The following PCDHGA10 variants were observed in gnomAD, a reference collection of about 807,000 sequenced individuals.
PCDHGA10 encodes protocadherin gamma-A10.
A neutral mutation model predicts 59.5 loss-of-function variants in PCDHGA10; 42 were observed. The observed-to-expected ratio is 0.71, with a 90% confidence interval of 0.55 to 0.91. The LOEUF is 0.91. Among genes scored for constraint, PCDHGA10 ranks in the 40% least tolerant of loss-of-function variants. The pLI is 0.00. For missense variants in PCDHGA10, 1,111 were observed against 1,198.2 expected, an observed-to-expected ratio of 0.93 and a Z score of 1.07; for synonymous variants, 511 against 517.2, an observed-to-expected ratio of 0.99 and a Z score of 0.16.
chr5:141,427,129 T>A lies in PCDHGA10; in HGVS notation c.2436+11518T>A, dbSNP rs752552669. ...GAGATCACCTACTCTTTCAAATCCC[T>A]ACGAGATGATATTGGAAATATGTTT... On this transcript the variant is annotated intron_variant, in intron 1 of 3. Coordinates refer to ENST00000398610, the MANE Select transcript of PCDHGA10 (RefSeq NM_018913.3). 125 of 457,106 alleles carry A rather than the reference T, an allele frequency of 2.7e-4. 2 individuals are homozygous for A. Among genetic ancestry groups the A allele is most frequent in the Non-Finnish European group, 4.0e-5 (9 of 227,024 alleles). The allele number at this position is 457,106 out of a possible 1,614,324, so 28.3% of individuals were successfully genotyped here.
In PCDHGA10 at chr5:141,426,211, G is replaced by A. The variant is rs184669298; in HGVS notation, c.2436+10600G>A. On this transcript the variant is annotated intron_variant, in intron 1 of 3. Coordinates refer to ENST00000398610, the MANE Select transcript of PCDHGA10 (RefSeq NM_018913.3). ...TGGGAGCATTGAGTTTTCTATGTAT[G>A]GAAGTAAATATTTTAAAAGCACTTT... The A allele has an allele frequency of 7.7e-4, 121 of 157,870 alleles. 1 individual carries two copies. The highest frequency in any genetic ancestry group is 7.4e-4 in the South Asian group (4 of 5,398). 9.8% of individuals were successfully genotyped at this position (157,870 alleles called of 1,614,324 possible). A position where few individuals can be genotyped will look rare whatever the true frequency, so the allele number is the denominator to read the frequency against.
chr5:141,446,928 C>T (rs988582410), intron 1 of PCDHGA10, among the ~76,000 whole-genome samples: 14 of 152,132 alleles, frequency 9.2e-5, no homozygotes, highest in Non-Finnish European at 1.6e-4. Context: ...TTCCTGATCT[C>T]TTTTTCACTG....
intron 1 of PCDHGA10, among the ~76,000 whole-genome samples, chr5:141,439,380 G>C (rs1324859898): frequency 6.6e-6 from 1 of 152,158 alleles, no homozygotes; most frequent in East Asian, 1.9e-4. Flanking sequence ...ATAAAAATAA[G>C]TCATCACTTC....
chr5:141,503,825 CA>C (rs2154593417), intron 2 of PCDHGA10, among the ~76,000 whole-genome samples: 1 of 152,186 alleles, frequency 6.6e-6, no homozygotes, highest in Non-Finnish European at 1.5e-5. Flanking sequence ...TGGGCAAAAC[CA>C]AAAGCAGGGA....
At chr5:141,510,682 G>C (rs1014890367) in intron 3 of PCDHGA10, among the ~76,000 whole-genome samples, 2 of 152,154 alleles carry the variant, frequency 1.3e-5, no homozygotes, top group Non-Finnish European at 2.9e-5. Context: ...GTGGCATAAG[G>C]AGGTTAGGTA....
At chr5:141,501,926 C>T (rs1388315216) in intron 2 of PCDHGA10, among the ~76,000 whole-genome samples, 1 of 152,126 alleles carries the variant, frequency 6.6e-6, no homozygotes, top group African/African-American at 2.4e-5. Flanking sequence ...AGCTTTGTTC[C>T]CTCAACACCA....
At position 141,454,796 on chromosome 5, in the gene PCDHGA10, ATTT is replaced by A. The variant is rs61612330; in HGVS notation, c.2436+39212_2436+39214del. On this transcript the variant is annotated intron_variant, in intron 1 of 3. Coordinates refer to ENST00000398610, the MANE Select transcript of PCDHGA10 (RefSeq NM_018913.3). ...AAGGAAATAATCCTCCATGGTTCTA[ATTT>A]TTTTTTTTTTTTTTTTTTTTTTTTT... is the stretch of plus-strand genomic sequence containing the variant. 8.4e-3 allele frequency among the ~76,000 whole-genome samples: 651 copies of A among 77,268 alleles called. 2 individuals are homozygous for A. Among genetic ancestry groups the A allele is most frequent in the African/African-American group, 0.012 (206 of 16,834 alleles). The allele number at this position is 77,268 out of a possible 152,430, so 50.7% of individuals were successfully genotyped here. A position where few individuals can be genotyped will look rare whatever the true frequency, so the allele number is the denominator to read the frequency against.
Position 141,511,349 on chromosome 5 carries a change from C to T in PCDHGA10, c.*176C>T, listed in dbSNP as rs1463242262. The T allele has an allele frequency of 2.1e-6, 3 of 1,401,380 alleles. No homozygotes were observed. The highest frequency in any genetic ancestry group is 2.9e-5 in the African/African-American group (2 of 68,826). 86.8% of individuals were successfully genotyped at this position (1,401,380 alleles called of 1,614,324 possible). The stretch of plus-strand genomic sequence containing the variant: ...GCCCAGTCAGCACCTACCCCTTCCC[C>T]CCCAGGGGGTTGAATATGCAAAAGC... On this transcript the variant is annotated 3_prime_UTR_variant, in exon 4 of 4. Transcript: ENST00000398610.
Position 141,490,310 on chromosome 5 carries a change from AC to A in PCDHGA10, c.2437-4494del. 1 of 1,614,084 alleles carries A rather than the reference AC, an allele frequency of 6.2e-7. No homozygotes were observed. The highest frequency in any genetic ancestry group is 8.5e-7 in the Non-Finnish European group (1 of 1,180,012). ...GAGGTGCTATTGGCCTCTTTGGCCA[AC>A]CCTGTCCTAGAGAGCACACCAGTGG... is the stretch of plus-strand genomic sequence containing the variant. On this transcript the variant is annotated intron_variant, in intron 1 of 3. Transcript: ENST00000398610. This position sits in a 1 kb window ranked among gnomAD's most constrained non-coding sequence, Gnocchi z 5.4.
rs201006002 is a variant in PCDHGA10, at chr5:141,432,497, C to G, written c.2436+16886C>G. Reference sequence around the variant, plus strand: ...TTCCACTGGCGTGGAGCTGGCTCCCCGCTCCGCAGAGCCCGGCTACCTGGT... The same window carrying G: ...TTCCACTGGCGTGGAGCTGGCTCCCGGCTCCGCAGAGCCCGGCTACCTGGT... On this transcript the variant is annotated intron_variant, in intron 1 of 3. Transcript: ENST00000398610. This position sits in a 1 kb window ranked among gnomAD's most constrained non-coding sequence, Gnocchi z 6.0. The G allele has an allele frequency of 1.1e-5, 18 of 1,614,182 alleles. No homozygotes were observed. In the East Asian group the frequency reaches 4.0e-4, roughly 36 times the overall value.
chr5:141,429,169 TACACACACACACACACACAC>T (rs10667977), intron 1 of PCDHGA10: 4 of 145,394 alleles, frequency 2.8e-5, no homozygotes, highest in Non-Finnish European at 6.0e-5. Flanking sequence ...ACATTGTTTA[TACACACACACACACACACAC>T]ACACACACAC....
At position 141,413,494 on chromosome 5, in the gene PCDHGA10, G is replaced by C; in HGVS notation, c.319G>C (p.Val107Leu). ...GCTCTGCGCTCAGAGCGCGCGGTGC[G>C]TGGTGAGTTTTAATATCCTTGTGGA... ...EELCAQSARC[V>L]VSFNILVEDR... The change falls in exon 1 of 4, where the codon GTG (valine) becomes CTG (leucine). Residue 107 changes from valine to leucine, a missense_variant. By Grantham distance (32) the Val-to-Leu change is conservative. Coordinates refer to ENST00000398610, the MANE Select transcript of PCDHGA10 (RefSeq NM_018913.3). The C allele has an allele frequency of 6.2e-7, 1 of 1,614,042 alleles. No individual in the cohort carries two copies. The highest frequency in any genetic ancestry group is 8.5e-7 in the Non-Finnish European group (1 of 1,179,940).
rs534845593 is a variant in PCDHGA10, at chr5:141,478,216, G to A, written c.2437-16591G>A. On this transcript the variant is annotated intron_variant, in intron 1 of 3. Coordinates refer to ENST00000398610, the MANE Select transcript of PCDHGA10 (RefSeq NM_018913.3). ...TTTATCTACTTCTTTCTCTAATCCTGGTTTCTGTGGGGTTTGTGGTCACAG... is the reference window on the plus strand; with the variant it reads ...TTTATCTACTTCTTTCTCTAATCCTAGTTTCTGTGGGGTTTGTGGTCACAG... 414 of 1,614,090 alleles carry A rather than the reference G, an allele frequency of 2.6e-4. 9 individuals carry two copies. In the South Asian group the frequency reaches 4.4e-3, roughly 17 times the overall value.
intron 1 of PCDHGA10, chr5:141,421,219 G>T (rs894586889): frequency 1.0e-5 from 16 of 1,573,208 alleles, no homozygotes; most frequent in Non-Finnish European, 1.3e-5. Context: ...TATCGGCTTA[G>T]AGCCTGCCAT....
rs200533514 is a variant in PCDHGA10 at position 141,476,315 on chromosome 5, C to T, written c.2437-18492C>T. On this transcript the variant is annotated intron_variant, in intron 1 of 3. Transcript: ENST00000398610. This position sits in a 1 kb window ranked among gnomAD's most constrained non-coding sequence, Gnocchi z 7.6. The stretch of plus-strand genomic sequence containing the variant: ...CGGTAGCCTCTCAGCCCGCAGGTTC[C>T]GGGTGGTGTCTGGAGCTAGCCGAAG... 264 of 1,613,910 alleles carry T rather than the reference C, an allele frequency of 1.6e-4. No homozygotes were observed. The highest frequency in any genetic ancestry group is 2.1e-4 in the Non-Finnish European group (248 of 1,180,024).
chr5:141,436,555 G>A (rs562422182), intron 1 of PCDHGA10, among the ~76,000 whole-genome samples: 1 of 152,252 alleles, frequency 6.6e-6, no homozygotes, highest in South Asian at 2.1e-4. Flanking sequence ...TTGAGCTTCA[G>A]CAAAGTAGGA....
At chr5:141,465,229 A>G (rs1010075158) in intron 1 of PCDHGA10, among the ~76,000 whole-genome samples, 6 of 152,208 alleles carry the variant, frequency 3.9e-5, no homozygotes, top group Non-Finnish European at 2.9e-5. Flanking sequence ...CATGAGCTCC[A>G]TCAAGTTCAA....
chr5:141,511,138 A>C lies in PCDHGA10; in HGVS notation c.2776A>C (p.Asn926His). 6.2e-7 allele frequency: 1 copy of C among 1,614,210 alleles called. No homozygotes were observed. ...DGKAPAGGNGNKKKSGKKEKK is the reference protein window; with the variant it reads ...DGKAPAGGNGHKKKSGKKEKK ...CAAGGCCCCAGCAGGTGGCAATGGCAACAAGAAGAAGTCGGGCAAGAAGGA... is the reference window on the plus strand; with the variant it reads ...CAAGGCCCCAGCAGGTGGCAATGGCCACAAGAAGAAGTCGGGCAAGAAGGA... Residue 926 changes from asparagine to histidine, a missense_variant, in exon 4 of 4, where the codon AAC becomes CAC. Transcript: ENST00000398610.
intron 1 of PCDHGA10, chr5:141,430,941 A>G: frequency 6.2e-7 from 1 of 1,608,258 alleles, no homozygotes; most frequent in Non-Finnish European, 8.5e-7. Context: ...GAGCTCGCGG[A>G]GCGCGGAGTC....
Sources: allele counts gnomAD v4.1 joint callset (sites outside exome capture counted in the v4.1 genomes callset), GRCh38; gene constraint gnomAD v4.1.1; non-coding constraint Gnocchi (gnomAD v3.1); transcripts MANE v1.5; gene names NCBI Gene and HGNC (gene_info 2026-07-23, HGNC 2026-07-21).